Variants in ACSL6 observed in about 807,000 individuals in gnomAD.
ACSL6 encodes acyl-CoA synthetase long chain family member 6, also known as long-chain-fatty-acid--CoA ligase 6.
A neutral mutation model predicts 98.2 loss-of-function variants in ACSL6; 47 were observed. The ratio of observed to expected loss-of-function variants is 0.48; its 90% confidence interval spans 0.38 to 0.61. The LOEUF is 0.61. Ranked by LOEUF, ACSL6 falls within the 20% of genes least tolerant of loss-of-function variation. The probability of loss-of-function intolerance (pLI) is 0.00; values close to 1 mark genes in which losing one functional copy is unlikely to be tolerated. For synonymous variants in ACSL6, 362 were observed against 336.9 expected (o/e 1.07, Z -0.82); for missense variants, 761 against 913.4 (o/e 0.83, Z 2.15).
Position 131,954,288 on chromosome 5 carries a change from C to G in ACSL6, c.2115G>C (p.Glu705Asp), listed in dbSNP as rs780708392. 3 of 1,613,990 alleles carry G rather than the reference C, an allele frequency of 1.9e-6. No individual in the cohort carries two copies. The South Asian group carries it at 3.3e-5, about 18-fold the overall frequency. Residue 705 changes from glutamate to aspartate, a missense_variant, in exon 21 of 21, where the codon GAG becomes GAC. Transcript: ENST00000651883. ...TTTGTTTTTTGAAGTACTCTCTCAG[C>G]TCAGGTCTCTTAGCTTTTAGTGTTG... ...LTPTLKAKRP[E>D]LREYFKKQIE...
intron 11 of ACSL6, chr5:131,973,644 G>A (rs1753442731): frequency 5.2e-6 from 2 of 385,962 alleles, no homozygotes; most frequent in Non-Finnish European, 9.4e-6. Flanking sequence ...TGAGCCTCTG[G>A]GAGATGCCAA....
At chr5:131,955,143 G>T (rs1752332237) in intron 20 of ACSL6, among the ~76,000 whole-genome samples, 1 of 152,132 alleles carries the variant, frequency 6.6e-6, no homozygotes, top group South Asian at 2.1e-4. Context: ...GTATTTCTAG[G>T]ATATCCAATT....
rs1218613395 is a variant in ACSL6, at chr5:131,994,235, A to G, written c.66T>C (p.Leu22=). Residue 22 remains leucine, a synonymous_variant, in exon 2 of 21, where the codon CTT becomes CTC. Coordinates refer to ENST00000651883, the MANE Select transcript of ACSL6 (RefSeq NM_001009185.3). The part of the protein sequence containing the change: ...LWLFVEFVLS[L]LEKMQTQEIL... ...TCTCCTGTGTCTGCATCTTCTCCAG[A>G]AGTGAGAGGACAAACTCTGTTGAAA... 1.2e-6 allele frequency: 2 copies of G among 1,611,642 alleles called. No individual in the cohort carries two copies. Among genetic ancestry groups the G allele is most frequent in the Non-Finnish European group, 1.7e-6 (2 of 1,178,840 alleles).
chr5:132,001,923 G>A (rs1580698477), intron 1 of ACSL6: 1 of 152,286 alleles, frequency 6.6e-6, no homozygotes, highest in African/African-American at 2.4e-5. Context: ...TGAGAACAGA[G>A]GAGCAAACAG....
intron 5 of ACSL6, 127 bp downstream of exon 5, chr5:131,989,280 G>T: frequency 1.1e-6 from 1 of 897,276 alleles, no homozygotes; most frequent in Non-Finnish European, 1.7e-6. Context: ...AGGAGTGGTG[G>T]CATAGCCCAA....
At chr5:131,979,872 A>G (rs1446979038) in intron 9 of ACSL6, among the ~76,000 whole-genome samples, 2 of 152,210 alleles carry the variant, frequency 1.3e-5, no homozygotes, top group Non-Finnish European at 2.9e-5. Flanking sequence ...TAAGCTGACC[A>G]TTCTTGTATT....
chr5:131,970,689 G>A (rs3916534), intron 14 of ACSL6, among the ~76,000 whole-genome samples: 2,552 of 152,242 alleles, frequency 0.017, 83 homozygotes, highest in African/African-American at 0.057. Flanking sequence ...GATTATAGGC[G>A]TGAGAAGTGC....
chr5:131,989,583 C>CTTTTTT (rs57391438), intron 4 of ACSL6, 75 bp from the exon 5 acceptor site: 4 of 180,640 alleles, frequency 2.2e-5, no homozygotes, highest in African/African-American at 1.3e-4. Context: ...AGGAGGAATT[C>CTTTTTT]TTTTTTTTTT....
intron 2 of ACSL6, among the ~76,000 whole-genome samples, chr5:131,992,829 C>A (rs1249827439): frequency 6.6e-6 from 1 of 152,192 alleles, no homozygotes; most frequent in Non-Finnish European, 1.5e-5. Flanking sequence ...GTGATATAGT[C>A]ACAAGCTTAA....
At position 131,998,831 on chromosome 5, in the gene ACSL6, C is replaced by T. The variant is rs114056127; in HGVS notation, c.50-4580G>A. Among the ~76,000 whole-genome samples the T allele has an allele frequency of 4.9e-3, 741 of 152,294 alleles. 4 individuals carry two copies. Among genetic ancestry groups the T allele is most frequent in the African/African-American group, 0.017 (721 of 41,546 alleles). ...ATCATGTCATGCCACTGCTCAGAAA[C>T]CTTATCTGGCTTCCTATTGCCTTAG... On this transcript the variant is annotated intron_variant, in intron 1 of 20. Transcript: ENST00000651883.
Position 131,975,038 on chromosome 5 carries a change from A to T in ACSL6, c.991-68T>A, listed in dbSNP as rs1390309219. The stretch of plus-strand genomic sequence containing the variant: ...GACAGGAAGACGACAAGAGAATCAT[A>T]AAACAATAAAGAGAAAATGGTCCTG... On this transcript the variant is annotated intron_variant, in intron 10 of 20. Transcript: ENST00000651883. 3.2e-6 allele frequency: 5 copies of T among 1,560,334 alleles called. No homozygotes were observed. The East Asian group carries it at 9.4e-5, about 29-fold the overall frequency.
In ACSL6 at chr5:131,968,033, A is replaced by G. The variant is rs545497267; in HGVS notation, c.1508-5T>C. 2.0e-5 allele frequency: 33 copies of G among 1,613,304 alleles called. No individual in the cohort carries two copies. The Admixed American group carries it at 3.3e-4, about 16-fold the overall frequency. On this transcript the variant is annotated splice_polypyrimidine_tract_variant and splice_region_variant and intron_variant, in intron 15 of 20. Coordinates refer to ENST00000651883, the MANE Select transcript of ACSL6 (RefSeq NM_001009185.3). ...GAAGTGGCGCCCCTACGTGCCCTGG[A>G]ACACCGGAGCAAGATGGCATTTGTT... is the stretch of plus-strand genomic sequence containing the variant.
At chr5:131,962,269 C>T (rs1752751514) in intron 18 of ACSL6, among the ~76,000 whole-genome samples, 1 of 152,072 alleles carries the variant, frequency 6.6e-6, no homozygotes, top group African/African-American at 2.4e-5. Flanking sequence ...GAATCTTGCT[C>T]TAGTATTTTA....
At chr5:131,979,532 G>A (rs413185) in intron 9 of ACSL6, among the ~76,000 whole-genome samples, 55,694 of 152,136 alleles carry the variant, frequency 0.37, 12,337 homozygotes, top group African/African-American at 0.62. Flanking sequence ...TTCTTCTCCA[G>A]CATGATGAGA....
Position 131,971,532 on chromosome 5 carries a change from G to A in ACSL6, c.1434+18C>T. The A allele has an allele frequency of 1.3e-6, 2 of 1,582,038 alleles. No individual in the cohort carries two copies. The highest frequency in any genetic ancestry group is 1.7e-6 in the Non-Finnish European group (2 of 1,161,702). On this transcript the variant is annotated intron_variant, in intron 14 of 20. Coordinates refer to ENST00000651883, the MANE Select transcript of ACSL6 (RefSeq NM_001009185.3). ...GAACTTCCTGCTGTTTCCAAGGGAG[G>A]ACACACAATGACAATACCTGGCACC...
At chr5:131,990,048 A>C in intron 4 of ACSL6, 52 bp downstream of exon 4, 1 of 1,592,208 alleles carries the variant, frequency 6.3e-7, no homozygotes, top group Non-Finnish European at 8.6e-7. Flanking sequence ...ACCTGCCCTG[A>C]GTGCCAGATC....
chr5:131,955,494 T>C (rs781334685), intron 20 of ACSL6, among the ~76,000 whole-genome samples: 2 of 152,190 alleles, frequency 1.3e-5, no homozygotes, highest in Non-Finnish European at 2.9e-5. Context: ...TTTTAAACCA[T>C]AGTGCACTGA....
At chr5:131,962,900 A>T (rs371171381) in intron 17 of ACSL6, among the ~76,000 whole-genome samples, 1 of 151,802 alleles carries the variant, frequency 6.6e-6, no homozygotes, top group Non-Finnish European at 1.5e-5. Flanking sequence ...GTGAGCATCC[A>T]CTGTCCTTTC....
intron 1 of ACSL6, among the ~76,000 whole-genome samples, chr5:131,997,083 C>T (rs1381213740): frequency 6.6e-6 from 1 of 152,216 alleles, no homozygotes; most frequent in Non-Finnish European, 1.5e-5. Context: ...AAGATCAGTG[C>T]TACAAGTCTG....
Sources: gnomAD v4.1 joint callset for allele counts (sites outside exome capture counted in the v4.1 genomes callset) on GRCh38, gnomAD v4.1.1 for gene constraint, MANE v1.5 for transcripts, NCBI Gene and HGNC (gene_info 2026-07-23, HGNC 2026-07-21) for gene names.